Variants in ROBO2 observed in about 807,000 individuals in gnomAD.
ROBO2 encodes the protein roundabout homolog 2.
A neutral mutation model predicts 160.8 loss-of-function variants in ROBO2; 53 were observed. The ratio of observed to expected loss-of-function variants is 0.33; its 90% CI spans 0.26 to 0.41. The LOEUF is 0.41. ROBO2 is among the 10% of genes least tolerant of loss of function. The pLI, the probability that ROBO2 is intolerant of heterozygous loss-of-function variation, is 1.00. For synonymous variants in ROBO2, 664 were observed against 611.7 expected (o/e 1.09, Z -1.26); for missense variants, 1,577 against 1,722.4 (o/e 0.92, Z 1.49).
chr3:76,774,429 T>C lies in ROBO2; in HGVS notation c.110-323585T>C, dbSNP rs572588479. On this transcript the variant is annotated intron_variant, in intron 2 of 26. Transcript: ENST00000487694. ...TGATTGAAAGAAAGGTCAGTCTTTATAGAAATAATTTCATAGCTTAGTCTA... is the reference window on the plus strand; with the variant it reads ...TGATTGAAAGAAAGGTCAGTCTTTACAGAAATAATTTCATAGCTTAGTCTA... Among the ~76,000 whole-genome samples the C allele has an allele frequency of 6.0e-5, 9 of 151,122 alleles. No homozygotes were observed. The South Asian group carries it at 1.9e-3, about 31-fold the overall frequency.
intron 2 of ROBO2, among the ~76,000 whole-genome samples, chr3:77,237,368 CTTTTCTTTTT>C (rs1169509800): frequency 2.8e-5 from 4 of 143,286 alleles, no homozygotes; most frequent in African/African-American, 7.6e-5. Context: ...CCTAGCTTTT[CTTTTCTTTTT>C]TTTTCTTTTT....
intron 8 of ROBO2, among the ~76,000 whole-genome samples, chr3:77,554,325 T>C (rs1721197): frequency 0.56 from 84,933 of 151,802 alleles, 23,830 homozygotes; most frequent in Middle Eastern, 0.68. Context: ...CAAGCTCTGA[T>C]AGAGATGTAC....
intron 9 of ROBO2, among the ~76,000 whole-genome samples, chr3:77,560,651 C>T (rs571191204): frequency 6.6e-6 from 1 of 152,116 alleles, no homozygotes; most frequent in East Asian, 1.9e-4. Flanking sequence ...TTCTTCTAGG[C>T]CAGCTAATTG....
chr3:76,542,770 C>T (rs2082888259), intron 2 of ROBO2, among the ~76,000 whole-genome samples: 1 of 152,090 alleles, frequency 6.6e-6, no homozygotes, highest in Non-Finnish European at 1.5e-5. Context: ...CTCCTCTGTC[C>T]AATAATATCT....
intron 2 of ROBO2, among the ~76,000 whole-genome samples, chr3:77,003,694 C>T (rs145161689): frequency 4.9e-4 from 74 of 152,080 alleles, no homozygotes; most frequent in African/African-American, 1.7e-3. Flanking sequence ...CCATTGCAAG[C>T]GCCTGCCACC....
chr3:76,959,694 A>G (rs1158696503), intron 2 of ROBO2, among the ~76,000 whole-genome samples: 1 of 152,188 alleles, frequency 6.6e-6, no homozygotes, highest in East Asian at 1.9e-4. Context: ...TTTGTTACTC[A>G]TATCCTAGAT....
chr3:76,644,317 TA>T (rs1420139536), intron 2 of ROBO2, among the ~76,000 whole-genome samples: 10 of 121,114 alleles, frequency 8.3e-5, no homozygotes, highest in Non-Finnish European at 1.4e-4. Flanking sequence ...CAAATGAGCA[TA>T]AGGGGTAAAA....
At chr3:76,267,361 G>A (rs1488225184) in intron 2 of ROBO2, among the ~76,000 whole-genome samples, 1 of 152,060 alleles carries the variant, frequency 6.6e-6, no homozygotes, top group African/African-American at 2.4e-5. Context: ...TTTTATGATA[G>A]CCATCACTAA....
At chr3:77,250,324 C>G (rs116695512) in intron 2 of ROBO2, among the ~76,000 whole-genome samples, 212 of 152,250 alleles carry the variant, frequency 1.4e-3, no homozygotes, top group Non-Finnish European at 2.3e-3. Flanking sequence ...GTGAAAGATG[C>G]CTGGTCTGTG....
chr3:77,252,965 T>C (rs1485378371), intron 2 of ROBO2, among the ~76,000 whole-genome samples: 2 of 150,998 alleles, frequency 1.3e-5, no homozygotes, highest in African/African-American at 4.9e-5. Context: ...AATTTCAAAT[T>C]ATGCTCTTTT....
chr3:77,170,423 G>C (rs1462592625), intron 2 of ROBO2, among the ~76,000 whole-genome samples: 1 of 151,900 alleles, frequency 6.6e-6, no homozygotes, highest in Admixed American at 6.6e-5. Context: ...ATACCTTAAA[G>C]CACTTAAAAT....
At chr3:76,392,312 C>A (rs2108653868) in intron 2 of ROBO2, among the ~76,000 whole-genome samples, 1 of 152,188 alleles carries the variant, frequency 6.6e-6, no homozygotes, top group Non-Finnish European at 1.5e-5. Context: ...TTTTTTACAG[C>A]CCTGCATGGT....
intron 2 of ROBO2, among the ~76,000 whole-genome samples, chr3:76,569,150 G>A (rs2084797444): frequency 6.6e-6 from 1 of 152,046 alleles, no homozygotes; most frequent in African/African-American, 2.4e-5. Context: ...AGTTAAACAT[G>A]ATCATCAAGA....
intron 24 of ROBO2, among the ~76,000 whole-genome samples, chr3:77,639,786 C>T (rs955534238): frequency 2.0e-5 from 3 of 151,954 alleles, no homozygotes; most frequent in African/African-American, 4.8e-5. Context: ...GTGTGTAAGG[C>T]AGGGAAGTGA....
chr3:76,049,519 CAGGCGA>C (rs1198647343), intron 2 of ROBO2, among the ~76,000 whole-genome samples: 2 of 148,602 alleles, frequency 1.3e-5, no homozygotes, highest in Non-Finnish European at 3.0e-5. Context: ...GCTGGGATTA[CAGGCGA>C]GAGCCGTGGA....
intron 2 of ROBO2, among the ~76,000 whole-genome samples, chr3:76,863,814 A>G (rs1278563121): frequency 1.3e-5 from 2 of 152,150 alleles, no homozygotes; most frequent in African/African-American, 4.8e-5. Context: ...TACTGCCTCA[A>G]GCAATAACAA....
chr3:77,014,171 A>G (rs2062086251), intron 2 of ROBO2, among the ~76,000 whole-genome samples: 1 of 152,158 alleles, frequency 6.6e-6, no homozygotes, highest in Non-Finnish European at 1.5e-5. Flanking sequence ...TTTAGAGCGT[A>G]TAAACATATA....
Position 77,374,169 on chromosome 3 carries a change from C to CAAAAA in ROBO2, c.389-103215_389-103211dup, listed in dbSNP as rs60357417. On this transcript the variant is annotated intron_variant, in intron 2 of 25. Coordinates refer to ENST00000461745, the Ensembl canonical transcript of ROBO2. ...CAGGCCGACAACAGCGAGACTCCAT[C>CAAAAA]AAAAAAAAAAAAAAAAAAAAAAAAA... Among the ~76,000 whole-genome samples, 27 of 40,108 alleles carry CAAAAA rather than the reference C, an allele frequency of 6.7e-4. 1 individual carries two copies. The highest frequency in any genetic ancestry group is 3.3e-3 in the African/African-American group (22 of 6,760). 26.3% of individuals were successfully genotyped at this position (40,108 alleles called of 152,430 possible).
At chr3:77,193,275 CAA>C (rs199951931) in intron 2 of ROBO2, among the ~76,000 whole-genome samples, 29,346 of 144,414 alleles carry the variant, frequency 0.2, 3,280 homozygotes, top group Middle Eastern at 0.31. Flanking sequence ...ACAGATAATT[CAA>C]AAAAAAAAAA....
Sources: gnomAD v4.1 joint callset for allele counts (sites outside exome capture counted in the v4.1 genomes callset) on GRCh38, gnomAD v4.1.1 for gene constraint, MANE v1.5 for transcripts, NCBI Gene and HGNC (gene_info 2026-07-23, HGNC 2026-07-21) for gene names.